Variants in PTPRD observed in about 807,000 individuals in gnomAD.
The protein encoded by PTPRD is protein tyrosine phosphatase receptor type D.
PTPRD carries 34 observed loss-of-function variants against 214.5 expected under a neutral mutation model. The ratio of observed to expected loss-of-function variants is 0.16; its 90% confidence interval spans 0.12 to 0.21. The LOEUF (loss-of-function observed/expected upper bound fraction) is 0.21. Among genes scored for constraint, PTPRD ranks in the 10% least tolerant of loss-of-function variants. The probability of loss-of-function intolerance (pLI) is 1.00; values close to 1 mark genes in which losing one functional copy is unlikely to be tolerated. For missense variants in PTPRD, 2,545 were observed against 2,398.7 expected, an observed-to-expected ratio of 1.06 and a Z score of -1.27; for synonymous variants, 1,128 against 845.7, an observed-to-expected ratio of 1.33 and a Z score of -5.79.
chr9:10,287,692 T>G (rs1596222675), intron 3 of PTPRD, among the ~76,000 whole-genome samples: 1 of 152,246 alleles, frequency 6.6e-6, no homozygotes, highest in East Asian at 1.9e-4. Flanking sequence ...ATCCTTTCTG[T>G]TTAGGCTTCA....
chr9:9,915,365 T>C (rs931451765), intron 5 of PTPRD, among the ~76,000 whole-genome samples: 8 of 151,546 alleles, frequency 5.3e-5, no homozygotes, highest in African/African-American at 1.9e-4. Flanking sequence ...AAACTGATTA[T>C]CTAGTAAACA....
intron 9 of PTPRD, among the ~76,000 whole-genome samples, chr9:9,306,313 C>T (rs1957103265): frequency 6.6e-6 from 1 of 151,904 alleles, no homozygotes; most frequent in Non-Finnish European, 1.5e-5. Context: ...CCTGTAATCT[C>T]AGCACTTTGG....
At chr9:9,127,036 T>G (rs901146500) in intron 10 of PTPRD, among the ~76,000 whole-genome samples, 7 of 151,310 alleles carry the variant, frequency 4.6e-5, no homozygotes, top group Admixed American at 1.3e-4. Context: ...GCTGGGACCA[T>G]GTACACATGC....
chr9:8,379,473 A>C (rs1459763092), intron 37 of PTPRD, among the ~76,000 whole-genome samples: 3 of 152,148 alleles, frequency 2.0e-5, no homozygotes, highest in African/African-American at 7.2e-5. Flanking sequence ...TATGCTAAAC[A>C]TATGATTTCT....
intron 8 of PTPRD, among the ~76,000 whole-genome samples, chr9:9,564,580 G>A (rs1269630179): frequency 1.3e-5 from 2 of 151,934 alleles, no homozygotes; most frequent in Non-Finnish European, 2.9e-5. Flanking sequence ...CTTTGGGTTG[G>A]AGCTTTCTTT....
intron 3 of PTPRD, among the ~76,000 whole-genome samples, chr9:10,209,425 T>G (rs2099504206): frequency 6.6e-6 from 1 of 152,180 alleles, no homozygotes; most frequent in Non-Finnish European, 1.5e-5. Flanking sequence ...TCGAATTTCT[T>G]CATTTAGAAC....
chr9:10,120,539 C>T (rs2098766203), intron 3 of PTPRD, among the ~76,000 whole-genome samples: 1 of 151,914 alleles, frequency 6.6e-6, no homozygotes, highest in Non-Finnish European at 1.5e-5. Context: ...AATATCAGTG[C>T]ACTTTGAAGT....
intron 10 of PTPRD, among the ~76,000 whole-genome samples, chr9:9,132,338 T>C (rs1351984481): frequency 1.3e-5 from 2 of 152,162 alleles, no homozygotes; most frequent in Non-Finnish European, 2.9e-5. Context: ...TTGTGAATTT[T>C]CCTAAATCTT....
At chr9:9,434,050 G>C (rs1435055474) in intron 8 of PTPRD, among the ~76,000 whole-genome samples, 1 of 152,156 alleles carries the variant, frequency 6.6e-6, no homozygotes, top group Middle Eastern at 3.2e-3. Context: ...TCGCTTTACA[G>C]AGGACATTCT....
intron 11 of PTPRD, among the ~76,000 whole-genome samples, chr9:8,839,456 C>T (rs1566513768): frequency 6.6e-6 from 1 of 152,146 alleles, no homozygotes; most frequent in Non-Finnish European, 1.5e-5. Flanking sequence ...ACCCGAACAG[C>T]TGGGACTACA....
chr9:8,438,648 A>G (rs1302573969), intron 34 of PTPRD: 1 of 152,224 alleles, frequency 6.6e-6, no homozygotes, highest in Non-Finnish European at 1.5e-5. Flanking sequence ...ACTGATGTGG[A>G]CATCATTACA....
intron 5 of PTPRD, among the ~76,000 whole-genome samples, chr9:9,802,341 G>T (rs969469084): frequency 1.3e-5 from 2 of 151,852 alleles, no homozygotes; most frequent in African/African-American, 4.8e-5. Context: ...TATAAACTAA[G>T]ATGTCCTTAG....
intron 10 of PTPRD, among the ~76,000 whole-genome samples, chr9:9,062,587 C>T (rs969311638): frequency 2.6e-5 from 4 of 151,402 alleles, no homozygotes; most frequent in Non-Finnish European, 2.9e-5. Flanking sequence ...TATCTACCTA[C>T]CTACCATCTA....
intron 11 of PTPRD, among the ~76,000 whole-genome samples, chr9:9,017,603 G>C (rs1256603317): frequency 6.6e-6 from 1 of 152,102 alleles, no homozygotes; most frequent in East Asian, 1.9e-4. Flanking sequence ...AATATAGAAA[G>C]TTTAGAACAC....
At chr9:9,665,445 G>A (rs1436750296) in intron 7 of PTPRD, among the ~76,000 whole-genome samples, 2 of 151,690 alleles carry the variant, frequency 1.3e-5, no homozygotes, top group Non-Finnish European at 3.0e-5. Context: ...ATAGAATATA[G>A]AAGAAAGAAA....
Position 10,432,010 on chromosome 9 carries a change from C to A in PTPRD, c.-599-90993G>T, listed in dbSNP as rs1302843613. ...CGTATGTTTATTGTGGCATTATTCA[C>A]AATAGCAAAGACTTGAAACCAACCC... On this transcript the variant is annotated intron_variant, in intron 2 of 45. Transcript: ENST00000381196. Among the ~76,000 whole-genome samples, 3 of 151,818 alleles carry A rather than the reference C, an allele frequency of 2.0e-5. No individual in the cohort carries two copies. The East Asian group carries it at 5.8e-4, about 30-fold the overall frequency.
chr9:10,001,090 TTGAC>T (rs950321324), intron 4 of PTPRD, among the ~76,000 whole-genome samples: 17 of 152,244 alleles, frequency 1.1e-4, no homozygotes, highest in Admixed American at 3.9e-4. Flanking sequence ...TTCTTCTTTC[TTGAC>T]TATTAAATTC....
intron 9 of PTPRD, among the ~76,000 whole-genome samples, chr9:9,327,130 A>G (rs1000620825): frequency 2.6e-5 from 4 of 152,192 alleles, no homozygotes; most frequent in African/African-American, 9.6e-5. Context: ...AAAATACTCC[A>G]TCTACTGAAA....
intron 9 of PTPRD, among the ~76,000 whole-genome samples, chr9:9,252,017 G>C (rs965232953): frequency 1.3e-5 from 2 of 151,982 alleles, no homozygotes; most frequent in South Asian, 2.1e-4. Context: ...CTCTCTTTTA[G>C]CTGAATTTTA....
Sources: allele counts gnomAD v4.1 joint callset (sites outside exome capture counted in the v4.1 genomes callset), GRCh38; gene constraint gnomAD v4.1.1; transcripts MANE v1.5; gene names NCBI Gene and HGNC (gene_info 2026-07-23, HGNC 2026-07-21).